DCAF6: variants seen among roughly 807,000 people sequenced by gnomAD.
DCAF6 encodes the protein DDB1- and CUL4-associated factor 6.
DCAF6 carries 54 observed loss-of-function variants against 125.1 expected under a neutral mutation model. The observed-to-expected ratio is 0.43, with a 90% CI of 0.35 to 0.54. The LOEUF (loss-of-function observed/expected upper bound fraction) is 0.54, where lower values mean the gene tolerates loss of function less well. Ranked by LOEUF, DCAF6 falls within the 20% of genes least tolerant of loss-of-function variation. The probability of loss-of-function intolerance (pLI) is 0.01; values close to 1 mark genes in which losing one functional copy is unlikely to be tolerated. For missense variants in DCAF6, 934 were observed against 1,161.7 expected (o/e 0.80, Z 2.85); for synonymous variants, 371 against 390.4 (o/e 0.95, Z 0.58).
intron 12 of DCAF6, among the ~76,000 whole-genome samples, chr1:168,029,995 A>C (rs1686856769): frequency 6.7e-6 from 1 of 150,084 alleles, no homozygotes; most frequent in Non-Finnish European, 1.5e-5. Context: ...AAAAAAAAAG[A>C]AAAGAAACAT....
the DCAF6 span, chr1:167,920,725 G>A: frequency 2.3e-5 from 28 of 1,222,090 alleles, no homozygotes; most frequent in African/African-American, 7.8e-5. Flanking sequence ...TGAGATTTCC[G>A]TAAGTTAGCA....
intron 17 of DCAF6, chr1:168,056,487 G>T (rs1268623479): frequency 2.2e-6 from 2 of 912,350 alleles, no homozygotes; most frequent in Non-Finnish European, 2.8e-6. Context: ...GCGGGGCGGG[G>T]AGGGGCCCAG....
At chr1:167,944,122 G>A (rs1672697715) in intron 1 of DCAF6, among the ~76,000 whole-genome samples, 1 of 152,168 alleles carries the variant, frequency 6.6e-6, no homozygotes, top group Non-Finnish European at 1.5e-5. Context: ...GATCACAGGG[G>A]TGAGCCACCA....
intron 20 of DCAF6, among the ~76,000 whole-genome samples, chr1:168,067,180 TCTAGA>T (rs1161891445): frequency 6.6e-6 from 1 of 152,216 alleles, no homozygotes; most frequent in Non-Finnish European, 1.5e-5. Flanking sequence ...AAACCACTAC[TCTAGA>T]CTAACACTGA....
At chr1:167,945,244 T>G (rs1672883816) in intron 1 of DCAF6, among the ~76,000 whole-genome samples, 1 of 152,200 alleles carries the variant, frequency 6.6e-6, no homozygotes, top group Non-Finnish European at 1.5e-5. Flanking sequence ...GATTGTTTTT[T>G]CTAATTTTGC....
intron 4 of DCAF6, among the ~76,000 whole-genome samples, chr1:167,984,205 T>C (rs1354155271): frequency 6.6e-6 from 1 of 152,198 alleles, no homozygotes; most frequent in Non-Finnish European, 1.5e-5. Flanking sequence ...AGTGCTTTTA[T>C]GGAGAAGTAT....
chr1:167,884,625 C>T, the DCAF6 span, among the ~76,000 whole-genome samples: 1 of 151,910 alleles, frequency 6.6e-6, no homozygotes, highest in Non-Finnish European at 1.5e-5. Context: ...CCTCCTCATC[C>T]CCCACTACCC....
the DCAF6 span, among the ~76,000 whole-genome samples, chr1:167,930,472 C>T: frequency 1.1e-4 from 16 of 152,118 alleles, no homozygotes; most frequent in Non-Finnish European, 2.1e-4. Flanking sequence ...AAAACTAGAT[C>T]CCTAAATCCT....
intron 4 of DCAF6, among the ~76,000 whole-genome samples, chr1:167,981,745 A>G (rs954914483): frequency 2.0e-5 from 3 of 152,176 alleles, no homozygotes; most frequent in Non-Finnish European, 2.9e-5. Context: ...TGTTCCATGT[A>G]TATGTACCAC....
chr1:167,927,068 G>A, the DCAF6 span, among the ~76,000 whole-genome samples: 1 of 152,182 alleles, frequency 6.6e-6, no homozygotes, highest in African/African-American at 2.4e-5. Context: ...TAATAGGTAT[G>A]TGCCAACAGA....
intron 1 of DCAF6, among the ~76,000 whole-genome samples, chr1:167,940,765 A>G (rs2102623020): frequency 6.6e-6 from 1 of 152,256 alleles, no homozygotes; most frequent in African/African-American, 2.4e-5. Flanking sequence ...AGACACTCCT[A>G]CAACTTTCTA....
chr1:167,918,317 A>T, the DCAF6 span: 1 of 1,564,858 alleles, frequency 6.4e-7, no homozygotes. Flanking sequence ...GTGATCAGGA[A>T]CTCTTTTATT....
At chr1:167,986,314 A>G (rs1359561811) in intron 4 of DCAF6, among the ~76,000 whole-genome samples, 1 of 152,188 alleles carries the variant, frequency 6.6e-6, no homozygotes, top group East Asian at 1.9e-4. Context: ...TTATACTCCC[A>G]TCAGCAATGT....
At chr1:167,925,480 T>TATATATAC in the DCAF6 span, among the ~76,000 whole-genome samples, 13 of 134,866 alleles carry the variant, frequency 9.6e-5, no homozygotes, top group South Asian at 4.6e-4. Context: ...TATATACATA[T>TATATATAC]ACATATACAC....
At chr1:168,032,876 T>G in intron 12 of DCAF6, among the ~76,000 whole-genome samples, 1 of 152,208 alleles carries the variant, frequency 6.6e-6, no homozygotes, top group East Asian at 1.9e-4. Flanking sequence ...TTTTGAATAT[T>G]TGGTTTAGAT....
chr1:168,029,197 TATC>T (rs1362668284), intron 12 of DCAF6, among the ~76,000 whole-genome samples: 1 of 152,256 alleles, frequency 6.6e-6, no homozygotes, highest in Non-Finnish European at 1.5e-5. Flanking sequence ...AGAATTGTCT[TATC>T]ATAAAAATAA....
At chr1:167,967,030 T>TATG (rs1428469921) in intron 3 of DCAF6, among the ~76,000 whole-genome samples, 1 of 152,162 alleles carries the variant, frequency 6.6e-6, no homozygotes, top group Non-Finnish European at 1.5e-5. Context: ...ATAAATAAAG[T>TATG]ATGAGTTAAT....
chr1:167,973,188 T>G (rs941914952), intron 3 of DCAF6, among the ~76,000 whole-genome samples: 1 of 152,248 alleles, frequency 6.6e-6, no homozygotes, highest in Non-Finnish European at 1.5e-5. Context: ...GACATTGACA[T>G]GTCAGGCTAG....
At chr1:168,011,704 G>A (rs1684307380) in intron 10 of DCAF6, among the ~76,000 whole-genome samples, 1 of 152,174 alleles carries the variant, frequency 6.6e-6, no homozygotes, top group Non-Finnish European at 1.5e-5. Context: ...GAGACCAGGT[G>A]TGGTAGCTCA....
Sources: allele counts gnomAD v4.1 joint callset (sites outside exome capture counted in the v4.1 genomes callset), GRCh38; gene constraint gnomAD v4.1.1; transcripts MANE v1.5; gene names NCBI Gene and HGNC (gene_info 2026-07-23, HGNC 2026-07-21).